Variants in SPATA6L observed in about 807,000 individuals in gnomAD.
SPATA6L encodes the protein spermatogenesis associated 6-like protein.
In SPATA6L, 68 loss-of-function variants were observed where a neutral mutation model predicts 49.2. That is an observed-to-expected ratio of 1.38 (90% CI 1.14 to 1.69). The LOEUF is 1.69. Among genes scored for constraint, SPATA6L ranks in the 40% most tolerant of loss-of-function variants. The pLI is 0.00. For missense variants in SPATA6L, 668 were observed against 464.3 expected (o/e 1.44, Z -4.03); for synonymous variants, 198 against 165.7 (o/e 1.19, Z -1.50).
chr9:4,636,990 G>A (rs4740797), intron 3 of SPATA6L, among the ~76,000 whole-genome samples: 31,657 of 151,976 alleles, frequency 0.21, 4,751 homozygotes, highest in East Asian at 0.4. Context: ...ACGCTGCAAC[G>A]TTTTAAATAC....
intron 4 of SPATA6L, among the ~76,000 whole-genome samples, 197 bp downstream of exon 4, chr9:4,635,078 G>A (rs975083305): frequency 8.5e-5 from 13 of 152,178 alleles, no homozygotes; most frequent in African/African-American, 1.2e-4. Context: ...AGCCTGATTA[G>A]ATAAAACTTC....
At chr9:4,640,423 T>A (rs2130620369) in intron 3 of SPATA6L, among the ~76,000 whole-genome samples, 1 of 152,298 alleles carries the variant, frequency 6.6e-6, no homozygotes, top group Middle Eastern at 3.4e-3. Context: ...TGAGTATAAG[T>A]GTGTTTGAAA....
At chr9:4,617,821 G>T in intron 9 of SPATA6L, 102 bp downstream of exon 9, 1 of 993,892 alleles carries the variant, frequency 1.0e-6, no homozygotes, top group Non-Finnish European at 1.4e-6. Flanking sequence ...GGTGTCACCA[G>T]CTGAATATTC....
chr9:4,658,862 G>A (rs573937973), intron 2 of SPATA6L, among the ~76,000 whole-genome samples: 43 of 149,206 alleles, frequency 2.9e-4, no homozygotes, highest in African/African-American at 8.9e-4. Context: ...TGTGGTGGCA[G>A]ATCCCTGAAC....
chr9:4,644,615 C>T (rs906140946), intron 3 of SPATA6L, among the ~76,000 whole-genome samples: 9 of 148,258 alleles, frequency 6.1e-5, no homozygotes, highest in African/African-American at 2.0e-4. Flanking sequence ...AGCAGAAATG[C>T]GTAATAGCAG....
chr9:4,635,373 C>A lies in SPATA6L; in HGVS notation c.253G>T (p.Glu85Ter). 1.3e-5 allele frequency: 20 copies of A among 1,588,380 alleles called. No individual in the cohort carries two copies. Among genetic ancestry groups the A allele is most frequent in the Non-Finnish European group, 1.7e-5 (20 of 1,171,330 alleles). Reference protein sequence around the residue: ...EMWDELAYYEENTRDFLFPEP... With the variant: ...EMWDELAYYE ...GGGAAAAGAAAATCTCGTGTGTTTT[C>A]TTCGTAGTAGGCCAACTCATCCCAC... is the stretch of plus-strand genomic sequence containing the variant. The change falls in exon 4 of 12, where the codon GAA becomes TAA. Residue 85 changes from glutamate to a stop codon, truncating the protein, a stop_gained. Coordinates refer to ENST00000682582, the MANE Select transcript of SPATA6L (RefSeq NM_001353486.2). LOFTEE classifies it high-confidence loss of function.
At position 4,612,651 on chromosome 9, in the gene SPATA6L, C is replaced by A. The variant is rs539281282; in HGVS notation, c.995+5272G>T. On this transcript the variant is annotated intron_variant, in intron 9 of 11. Coordinates refer to ENST00000682582, the MANE Select transcript of SPATA6L (RefSeq NM_001353486.2). ...CATTTTGTCATTATTTGGTTAATGGCGGTCTTTACTCCTAGAGTGAAATTG... is the reference window on the plus strand; with the variant it reads ...CATTTTGTCATTATTTGGTTAATGGAGGTCTTTACTCCTAGAGTGAAATTG... Among the ~76,000 whole-genome samples the A allele has an allele frequency of 2.0e-5, 3 of 152,162 alleles. No homozygotes were observed. The East Asian group carries it at 5.8e-4, about 29-fold the overall frequency.
Position 4,644,039 on chromosome 9 carries a change from T to C in SPATA6L, c.227-8640A>G, listed in dbSNP as rs569783224. 2.0e-5 allele frequency among the ~76,000 whole-genome samples: 3 copies of C among 151,716 alleles called. No individual in the cohort carries two copies. The East Asian group carries it at 5.8e-4, about 29-fold the overall frequency. Reference sequence around the variant, plus strand: ...TCAATTTGAAAAAAAAAGATGTAGATTTATGCATTTAGAAATGACAACATA... The same window carrying C: ...TCAATTTGAAAAAAAAAGATGTAGACTTATGCATTTAGAAATGACAACATA... On this transcript the variant is annotated intron_variant, in intron 3 of 11. Transcript: ENST00000682582.
intron 4 of SPATA6L, among the ~76,000 whole-genome samples, chr9:4,630,216 C>T (rs1052485834): frequency 1.3e-5 from 2 of 151,956 alleles, no homozygotes; most frequent in Non-Finnish European, 1.5e-5. Context: ...ACATCCTGCT[C>T]GTAGCAGTGG....
intron 9 of SPATA6L, chr9:4,617,400 T>C (rs931046340): frequency 6.6e-6 from 1 of 152,238 alleles, no homozygotes; most frequent in Non-Finnish European, 1.5e-5. Flanking sequence ...AGTGGTTACT[T>C]ACCCTACTAG....
At chr9:4,601,114 G>C (rs550965500) in intron 11 of SPATA6L, among the ~76,000 whole-genome samples, 1 of 152,244 alleles carries the variant, frequency 6.6e-6, no homozygotes, top group East Asian at 1.9e-4. Context: ...GCCAAAATAG[G>C]TGTTATTCAG....
intron 5 of SPATA6L, chr9:4,628,083 T>C (rs1830686474): frequency 3.2e-6 from 1 of 313,194 alleles, no homozygotes; most frequent in African/African-American, 2.3e-5. Flanking sequence ...GAGAGTAGAA[T>C]GATGGTTACC....
chr9:4,611,825 C>A (rs1486771098), intron 9 of SPATA6L, among the ~76,000 whole-genome samples: 1 of 151,746 alleles, frequency 6.6e-6, no homozygotes, highest in Non-Finnish European at 1.5e-5. Flanking sequence ...ATTTTTAATC[C>A]AAAAAATTTT....
intron 6 of SPATA6L, among the ~76,000 whole-genome samples, chr9:4,624,500 G>A (rs542018402): frequency 3.0e-4 from 46 of 152,258 alleles, no homozygotes; most frequent in Non-Finnish European, 5.9e-4. Flanking sequence ...GGCTGATGTG[G>A]GTGGATCATC....
intron 2 of SPATA6L, among the ~76,000 whole-genome samples, chr9:4,661,634 C>T (rs894795512): frequency 6.6e-6 from 1 of 152,098 alleles, no homozygotes; most frequent in Admixed American, 6.6e-5. Flanking sequence ...GAAATGCTCT[C>T]TTTGCTCCAG....
chr9:4,656,818 C>T (rs563327447), intron 2 of SPATA6L, among the ~76,000 whole-genome samples: 3 of 152,150 alleles, frequency 2.0e-5, no homozygotes, highest in Admixed American at 1.3e-4. Context: ...AACAGATACT[C>T]ATTAAATGTT....
chr9:4,592,830 G>C (rs748984094), intron 13 of SPATA6L, among the ~76,000 whole-genome samples: 12 of 152,130 alleles, frequency 7.9e-5, no homozygotes, highest in Admixed American at 2.0e-4. Flanking sequence ...GGAGATGATG[G>C]ATAGGTTTAT....
intron 3 of SPATA6L, among the ~76,000 whole-genome samples, chr9:4,647,129 C>T (rs1395471416): frequency 6.6e-6 from 1 of 151,830 alleles, no homozygotes; most frequent in Non-Finnish European, 1.5e-5. Context: ...ATATTTGTCT[C>T]CTAAAAGTGT....
At chr9:4,654,278 A>T (rs989825471) in intron 3 of SPATA6L, among the ~76,000 whole-genome samples, 1 of 152,192 alleles carries the variant, frequency 6.6e-6, no homozygotes, top group African/African-American at 2.4e-5. Flanking sequence ...TACCACATTG[A>T]AATGGGAAAA....
Sources: gnomAD v4.1 joint callset for allele counts (sites outside exome capture counted in the v4.1 genomes callset) on GRCh38, gnomAD v4.1.1 for gene constraint, MANE v1.5 for transcripts, NCBI Gene and HGNC (gene_info 2026-07-23, HGNC 2026-07-21) for gene names.